WDCP: variants seen among roughly 807,000 people sequenced by gnomAD.
WDCP encodes the protein WD repeat and coiled coil containing.
A neutral mutation model predicts 41.6 loss-of-function variants in WDCP; 19 were observed. The ratio of observed to expected loss-of-function variants is 0.46; its 90% confidence interval spans 0.32 to 0.67. The LOEUF is 0.67. WDCP is among the 30% of genes least tolerant of loss of function. The pLI, the probability that WDCP is intolerant of heterozygous loss-of-function variation, is 0.04. For missense variants in WDCP, 802 were observed against 850.7 expected (o/e 0.94, Z 0.71); for synonymous variants, 302 against 320.8 (o/e 0.94, Z 0.63).
chr2:24,041,480 A>C (rs1040919185), intron 1 of WDCP, among the ~76,000 whole-genome samples: 1 of 152,044 alleles, frequency 6.6e-6, no homozygotes, highest in Non-Finnish European at 1.5e-5. Context: ...AAAGACACAA[A>C]GATATATAGG....
rs755568656 is a variant in WDCP, at chr2:24,032,869, A to C, written c.1896T>G (p.Val632=). The C allele has an allele frequency of 3.1e-6, 5 of 1,613,756 alleles. No homozygotes were observed. The highest frequency in any genetic ancestry group is 3.4e-6 in the Non-Finnish European group (4 of 1,179,754). ...LCDGKLRLST[V]QQTFGLSLIE... ...TGAGAGAAAGGCCAAAAGTCTGCTG[A>C]ACTGTACTGAGCCTTAGTTTACCAT... Residue 632 remains valine (V), a synonymous_variant, in exon 3 of 4, where the codon GTT becomes GTG. Coordinates refer to ENST00000295148, the MANE Select transcript of WDCP (RefSeq NM_025203.3).
In WDCP at chr2:24,047,381, T is replaced by C. The variant is rs563451393; in HGVS notation, c.-86A>G. 1 of 152,012 alleles carries C rather than the reference T, an allele frequency of 6.6e-6. No homozygotes were observed. The highest frequency in any genetic ancestry group is 1.9e-4 in the East Asian group (1 of 5,190). 9.4% of individuals were successfully genotyped at this position (152,012 alleles called of 1,614,324 possible). A position where few individuals can be genotyped will look rare whatever the true frequency, so the allele number is the denominator to read the frequency against. The stretch of plus-strand genomic sequence containing the variant: ...CCGCCCAACATCACGCCGCCGCACA[T>C]AAGAAGTTCTGGGCAGCCACCGGAA... On this transcript the variant is annotated 5_prime_UTR_variant, in exon 1 of 4. The change abolishes an upstream ATG in the 5' untranslated region. Coordinates refer to ENST00000295148, the MANE Select transcript of WDCP (RefSeq NM_025203.3).
intron 2 of WDCP, among the ~76,000 whole-genome samples, chr2:24,034,919 A>G (rs568839162): frequency 4.6e-5 from 7 of 152,118 alleles, no homozygotes; most frequent in Non-Finnish European, 8.8e-5. Flanking sequence ...ATAAAATTTT[A>G]CATTTATAAG....
intron 3 of WDCP, 49 bp downstream of exon 3, chr2:24,032,780 T>TGGGGGAGGCAA: frequency 9.9e-7 from 1 of 1,012,640 alleles, no homozygotes; most frequent in Non-Finnish European, 1.6e-6. Context: ...AAACAGATGG[T>TGGGGGAGGCAA]GGGGGAGGCA....
At chr2:24,035,436 T>C (rs1404147227) in intron 2 of WDCP, among the ~76,000 whole-genome samples, 1 of 151,858 alleles carries the variant, frequency 6.6e-6, no homozygotes, top group African/African-American at 2.4e-5. Context: ...TGAAGAAACA[T>C]AGGGTAGGAA....
At chr2:24,035,397 G>A (rs560571580) in intron 2 of WDCP, among the ~76,000 whole-genome samples, 1 of 152,030 alleles carries the variant, frequency 6.6e-6, no homozygotes, top group East Asian at 1.9e-4. Flanking sequence ...AATAAAAATG[G>A]TTACCTAAAG....
intron 3 of WDCP, among the ~76,000 whole-genome samples, chr2:24,031,655 T>C (rs977786158): frequency 1.3e-5 from 2 of 152,062 alleles, no homozygotes; most frequent in African/African-American, 4.8e-5. Context: ...TGAAACCCCA[T>C]TTCTACTAAA....
chr2:24,045,570 C>T (rs1357070541), intron 1 of WDCP, among the ~76,000 whole-genome samples: 5 of 139,272 alleles, frequency 3.6e-5, no homozygotes, highest in African/African-American at 1.1e-4. Flanking sequence ...CACTGCACTC[C>T]AGCCTGGGTG....
At chr2:24,032,607 G>C (rs1663128079) in intron 3 of WDCP, among the ~76,000 whole-genome samples, 1 of 152,100 alleles carries the variant, frequency 6.6e-6, no homozygotes, top group Non-Finnish European at 1.5e-5. Context: ...CTTGAGCTCA[G>C]GAGTTCGAGG....
chr2:24,045,523 C>T (rs1026592838), intron 1 of WDCP, among the ~76,000 whole-genome samples: 2 of 150,984 alleles, frequency 1.3e-5, no homozygotes, highest in Admixed American at 6.6e-5. Flanking sequence ...ATCGCTTGAA[C>T]CCGGCTGGCG....
intron 3 of WDCP, among the ~76,000 whole-genome samples, chr2:24,031,597 C>A (rs1161479473): frequency 3.3e-5 from 5 of 152,004 alleles, no homozygotes; most frequent in Non-Finnish European, 5.9e-5. Flanking sequence ...GAGGCCGAGG[C>A]GGGCAGATCT....
At chr2:24,047,146 T>G (rs1289511515) in intron 1 of WDCP, among the ~76,000 whole-genome samples, 168 bp downstream of exon 1, 1 of 151,762 alleles carries the variant, frequency 6.6e-6, no homozygotes, top group Non-Finnish European at 1.5e-5. Flanking sequence ...AGCTCGATCC[T>G]CATCCCGCGA....
Position 24,031,136 on chromosome 2 carries a change from C to A in WDCP, c.1963G>T (p.Asp655Tyr), listed in dbSNP as rs1222433303. 3.1e-6 allele frequency: 5 copies of A among 1,613,908 alleles called. No homozygotes were observed. The highest frequency in any genetic ancestry group is 3.4e-6 in the Non-Finnish European group (4 of 1,179,854). ...HDSHWILLSA[D>Y]SEGFIPLTFT... Reference sequence around the variant, plus strand: ...GTTAACGGGATAAAGCCCTCACTGTCAGCAGAGAGAAGAATCCAGTGGGAA... The same window carrying A: ...GTTAACGGGATAAAGCCCTCACTGTAAGCAGAGAGAAGAATCCAGTGGGAA... The change falls in exon 4 of 4, where the codon GAC (aspartate) becomes TAC (tyrosine). Residue 655 changes from aspartate to tyrosine, a missense_variant. Physicochemically the swap from Asp to Tyr is radical, Grantham distance 160. Transcript: ENST00000295148.
chr2:24,037,531 G>C, intron 2 of WDCP, 146 bp downstream of exon 2: 1 of 882,146 alleles, frequency 1.1e-6, no homozygotes, highest in South Asian at 1.9e-5. Context: ...AACCTGCAAA[G>C]GTGTACCAAC....
At chr2:24,031,681 C>A (rs1388253639) in intron 3 of WDCP, among the ~76,000 whole-genome samples, 2 of 152,046 alleles carry the variant, frequency 1.3e-5, no homozygotes, top group Admixed American at 6.6e-5. Context: ...AAAATATTAG[C>A]CAGGCGTGGT....
chr2:24,035,372 G>A (rs988522323), intron 2 of WDCP, among the ~76,000 whole-genome samples: 1 of 151,920 alleles, frequency 6.6e-6, no homozygotes, highest in African/African-American at 2.4e-5. Flanking sequence ...GCTAGTATCT[G>A]CATAAAGAAA....
chr2:24,042,531 G>A (rs1172001496), intron 1 of WDCP, among the ~76,000 whole-genome samples: 3 of 103,460 alleles, frequency 2.9e-5, no homozygotes, highest in East Asian at 2.6e-4. Context: ...GCAATACTCC[G>A]TCTCAAAAAA....
At chr2:24,042,011 T>C (rs1466064646) in intron 1 of WDCP, among the ~76,000 whole-genome samples, 1 of 152,272 alleles carries the variant, frequency 6.6e-6, no homozygotes. Context: ...AGGAAAATTA[T>C]ATTTTGAAAT....
rs1192004117 is a variant in WDCP at position 24,038,493 on chromosome 2, G to A, written c.1002C>T (p.Val334=). The A allele has an allele frequency of 1.9e-6, 3 of 1,614,216 alleles. No individual in the cohort carries two copies. Among genetic ancestry groups the A allele is most frequent in the Admixed American group, 3.3e-5 (2 of 60,026 alleles). The part of the protein sequence containing the change: ...FKKAVTMTRK[V]TIPGILVPDL... ...CAGGAACCAGAATGCCTGGAATAGTGACTTTTCTCGTCATGGTAACTGCCT... is the reference window on the plus strand; with the variant it reads ...CAGGAACCAGAATGCCTGGAATAGTAACTTTTCTCGTCATGGTAACTGCCT... The change falls in exon 2 of 4, where the codon GTC becomes GTT. Residue 334 remains valine, a synonymous_variant. Coordinates refer to ENST00000295148, the MANE Select transcript of WDCP (RefSeq NM_025203.3).
Sources: gnomAD v4.1 joint callset for allele counts (sites outside exome capture counted in the v4.1 genomes callset) on GRCh38, gnomAD v4.1.1 for gene constraint, MANE v1.5 for transcripts, NCBI Gene and HGNC (gene_info 2026-07-23, HGNC 2026-07-21) for gene names.